The following PLPP6 variants were observed in gnomAD, a reference collection of about 807,000 sequenced individuals.
The protein encoded by PLPP6 is polyisoprenoid diphosphate/phosphate phosphohydrolase PLPP6.
Under a neutral mutation model 16.5 loss-of-function variants are expected in PLPP6, and 16 were observed. The ratio of observed to expected loss-of-function variants is 0.97; its 90% CI spans 0.66 to 1.47. The LOEUF (loss-of-function observed/expected upper bound fraction) is 1.47, where lower values mean the gene tolerates loss of function less well. PLPP6 is among the 40% of genes most tolerant of loss of function. The pLI is 0.00. For missense variants in PLPP6, 512 were observed against 396.6 expected (o/e 1.29, Z -2.47); for synonymous variants, 226 against 188.1 (o/e 1.20, Z -1.65).
At position 4,664,936 on chromosome 9, in the gene PLPP6, G is replaced by C. The variant is rs898126545; in HGVS notation, c.*1673G>C. ...AAGCTCTAAGTGGTTTGGGTTTGTT[G>C]TTTAACCTTAGCGAGATCCTTTAAC... On this transcript the variant is annotated 3_prime_UTR_variant, in exon 1 of 1. Coordinates refer to ENST00000381883, the MANE Select transcript of PLPP6 (RefSeq NM_203453.5). 1 of 167,094 alleles carries C rather than the reference G, an allele frequency of 6.0e-6. No homozygotes were observed. The highest frequency in any genetic ancestry group is 6.5e-5 in the Admixed American group (1 of 15,292). 10.4% of individuals were successfully genotyped at this position (167,094 alleles called of 1,614,324 possible).
rs143802782 is a variant in PLPP6 at position 4,662,641 on chromosome 9, A to C, written c.266A>C (p.Glu89Ala). The C allele has an allele frequency of 3.8e-6, 6 of 1,599,020 alleles. No individual in the cohort carries two copies. Among genetic ancestry groups the C allele is most frequent in the Middle Eastern group, 3.4e-4 (2 of 5,860 alleles). ...TCGCCCGCGCCTCCGCTGCCCGAGG[A>C]GGACCGCATGGACTTGAACCCGTCC... Reference protein sequence around the residue: ...SQSPAPPLPEEDRMDLNPSFL... With the variant: ...SQSPAPPLPEADRMDLNPSFL... The change falls in exon 1 of 1, where the codon GAG (glutamate) becomes GCG (alanine). Residue 89 changes from glutamate (E) to alanine (A), a missense_variant. Coordinates refer to ENST00000381883, the MANE Select transcript of PLPP6 (RefSeq NM_203453.5). The surrounding 1 kb of genome is among the most constrained non-coding windows in gnomAD (Gnocchi z 4.9).
rs762235180 is a variant in PLPP6 at position 4,662,597 on chromosome 9, C to T, written c.222C>T (p.Ala74=). The change falls in exon 1 of 1, where the codon GCC becomes GCT. Residue 74 remains alanine (A), a synonymous_variant. Coordinates refer to ENST00000381883, the MANE Select transcript of PLPP6 (RefSeq NM_203453.5). This position sits in a 1 kb window ranked among gnomAD's most constrained non-coding sequence, Gnocchi z 4.9. The part of the protein sequence containing the change: ...PVHRRGSFPL[A]AAGPSQSPAP... ...ACCGCCGCGGCTCCTTCCCCCTGGC[C>T]GCGGCGGGCCCCTCGCAGTCGCCCG... 2.5e-6 allele frequency: 4 copies of T among 1,591,676 alleles called. No homozygotes were observed. Among genetic ancestry groups the T allele is most frequent in the Non-Finnish European group, 3.4e-6 (4 of 1,176,702 alleles).
chr9:4,662,399 G>A lies in PLPP6; in HGVS notation c.24G>A (p.Met8Ile). Residue 8 changes from methionine to isoleucine, a missense_variant, in exon 1 of 1, where the codon ATG becomes ATA. By Grantham distance (10) the Met-to-Ile change is conservative (BLOSUM62 1). Transcript: ENST00000381883. This position sits in a 1 kb window ranked among gnomAD's most constrained non-coding sequence, Gnocchi z 4.9. MPSPRRS[M>I]EGRPLGVSAS... ...CGATGCCAAGTCCCCGGAGGAGCAT[G>A]GAGGGACGGCCGCTGGGCGTCTCCG... The A allele has an allele frequency of 4.6e-6, 7 of 1,535,192 alleles. No homozygotes were observed. Among genetic ancestry groups the A allele is most frequent in the Non-Finnish European group, 5.2e-6 (6 of 1,148,574 alleles).
At position 4,662,487 on chromosome 9, in the gene PLPP6, T is replaced by G. The variant is rs747945489; in HGVS notation, c.112T>G (p.Phe38Val). The change falls in exon 1 of 1, where the codon TTT becomes GTT. Residue 38 changes from phenylalanine (F) to valine (V), a missense_variant. Phe to Val is a conservative substitution (Grantham distance 50). Coordinates refer to ENST00000381883, the MANE Select transcript of PLPP6 (RefSeq NM_203453.5). The surrounding 1 kb of genome is among the most constrained non-coding windows in gnomAD (Gnocchi z 4.9). Reference protein sequence around the residue: ...AHGGGGGGSRFEFQSLLSSRA... With the variant: ...AHGGGGGGSRVEFQSLLSSRA... The stretch of plus-strand genomic sequence containing the variant: ...TGGCGGCGGTGGCGGCGGCAGCAGG[T>G]TTGAGTTCCAGTCCCTGCTCAGCAG... 6.4e-7 allele frequency: 1 copy of G among 1,556,482 alleles called. No homozygotes were observed. Among genetic ancestry groups the G allele is most frequent in the South Asian group, 1.2e-5 (1 of 85,716 alleles).
rs1563748753 is a variant in PLPP6 at position 4,663,118 on chromosome 9, T to G, written c.743T>G (p.Leu248Arg). The G allele has an allele frequency of 6.2e-7, 1 of 1,614,116 alleles. No individual in the cohort carries two copies. The highest frequency in any genetic ancestry group is 1.7e-5 in the Admixed American group (1 of 60,024). The change falls in exon 1 of 1, where the codon CTA becomes CGA. Residue 248 changes from leucine (L) to arginine (R), a missense_variant. By Grantham distance (102) the Leu-to-Arg change is moderately radical (BLOSUM62 -2). Coordinates refer to ENST00000381883, the MANE Select transcript of PLPP6 (RefSeq NM_203453.5). ...LVVLWAFVLG[L>R]SRVMLGRHNV... ...GTTCTGTGGGCCTTCGTCTTGGGCC[T>G]ATCCAGGGTCATGCTGGGGCGGCAC... is the stretch of plus-strand genomic sequence containing the variant.
Position 4,662,800 on chromosome 9 carries a change from A to C in PLPP6, c.425A>C (p.His142Pro). 6.2e-7 allele frequency: 1 copy of C among 1,605,252 alleles called. No homozygotes were observed. The highest frequency in any genetic ancestry group is 1.3e-5 in the African/African-American group (1 of 75,034). The change falls in exon 1 of 1, where the codon CAC (histidine) becomes CCC (proline). Residue 142 changes from histidine (H) to proline (P), a missense_variant. Coordinates refer to ENST00000381883, the MANE Select transcript of PLPP6 (RefSeq NM_203453.5). This position sits in a 1 kb window ranked among gnomAD's most constrained non-coding sequence, Gnocchi z 4.9. Reference sequence around the variant, plus strand: ...ATGAAGCTGCTGGAGATCTCGGGACACGGCATCCCCTGGCTGCTGGGCACC... The same window carrying C: ...ATGAAGCTGCTGGAGATCTCGGGACCCGGCATCCCCTGGCTGCTGGGCACC... ...PLMKLLEISGHGIPWLLGTLY... is the reference protein window; with the variant it reads ...PLMKLLEISGPGIPWLLGTLY...
chr9:4,662,590 C>G lies in PLPP6; in HGVS notation c.215C>G (p.Pro72Arg), dbSNP rs1333416494. The change falls in exon 1 of 1, where the codon CCC becomes CGC. Residue 72 changes from proline (P) to arginine (R), a missense_variant. Pro to Arg is a moderately radical substitution (Grantham distance 103). Transcript: ENST00000381883. This position sits in a 1 kb window ranked among gnomAD's most constrained non-coding sequence, Gnocchi z 4.9. ...CCAGTTCACCGCCGCGGCTCCTTCC[C>G]CCTGGCCGCGGCGGGCCCCTCGCAG... is the stretch of plus-strand genomic sequence containing the variant. ...ESPVHRRGSFPLAAAGPSQSP... is the reference protein window; with the variant it reads ...ESPVHRRGSFRLAAAGPSQSP... 2.5e-6 allele frequency: 4 copies of G among 1,592,906 alleles called. No homozygotes were observed. The highest frequency in any genetic ancestry group is 3.4e-6 in the Non-Finnish European group (4 of 1,177,024).
In PLPP6 at chr9:4,663,164, T is replaced by C. The variant is rs1190915836; in HGVS notation, c.789T>C (p.Phe263=). The change falls in exon 1 of 1, where the codon TTT becomes TTC. Residue 263 remains phenylalanine (F), a synonymous_variant. Coordinates refer to ENST00000381883, the MANE Select transcript of PLPP6 (RefSeq NM_203453.5). ...LGRHNVTDVA[F]GFFLGYMQYS... is the part of the protein sequence containing the mutation. ...GGCACAATGTCACCGACGTAGCTTT[T>C]GGCTTTTTTCTGGGCTACATGCAGT... 6.2e-7 allele frequency: 1 copy of C among 1,614,146 alleles called. No individual in the cohort carries two copies. Among genetic ancestry groups the C allele is most frequent in the East Asian group, 2.2e-5 (1 of 44,866 alleles).
rs888542526 is a variant in PLPP6 at position 4,663,469 on chromosome 9, A to T, written c.*206A>T. On this transcript the variant is annotated 3_prime_UTR_variant, in exon 1 of 1. Coordinates refer to ENST00000381883, the MANE Select transcript of PLPP6 (RefSeq NM_203453.5). ...ACAGCCATATTAGGGAAAGCAAAAAAACCCAAAAAATCCTCTATTGTATAT... is the reference window on the plus strand; with the variant it reads ...ACAGCCATATTAGGGAAAGCAAAAATACCCAAAAAATCCTCTATTGTATAT... 7.1e-6 allele frequency: 4 copies of T among 560,930 alleles called. No individual in the cohort carries two copies. Among genetic ancestry groups the T allele is most frequent in the Admixed American group, 3.3e-5 (1 of 30,090 alleles). The allele number at this position is 560,930 out of a possible 1,614,324, so 34.7% of individuals were successfully genotyped here. A position where few individuals can be genotyped will look rare whatever the true frequency, so the allele number is the denominator to read the frequency against.
chr9:4,662,847 G>T lies in PLPP6; in HGVS notation c.472G>T (p.Asp158Tyr). The change falls in exon 1 of 1, where the codon GAC (aspartate) becomes TAC (tyrosine). Residue 158 changes from aspartate to tyrosine, a missense_variant. Physicochemically the swap from Asp to Tyr is radical, Grantham distance 160 (BLOSUM62 -3). Transcript: ENST00000381883. This position sits in a 1 kb window ranked among gnomAD's most constrained non-coding sequence, Gnocchi z 4.9. ...LGTLYCLCRS[D>Y]SWAGREVLMN... Reference sequence around the variant, plus strand: ...CACCCTCTACTGCCTGTGCAGGAGCGACAGCTGGGCCGGGCGCGAGGTGCT... The same window carrying T: ...CACCCTCTACTGCCTGTGCAGGAGCTACAGCTGGGCCGGGCGCGAGGTGCT... The T allele has an allele frequency of 6.2e-7, 1 of 1,605,300 alleles. No homozygotes were observed. The highest frequency in any genetic ancestry group is 8.5e-7 in the Non-Finnish European group (1 of 1,179,966).
In PLPP6 at chr9:4,662,534, C is replaced by T. The variant is rs755749721; in HGVS notation, c.159C>T (p.Pro53=). 2.1e-5 allele frequency: 33 copies of T among 1,567,436 alleles called. No homozygotes were observed. The Middle Eastern group carries it at 8.8e-4, about 42-fold the overall frequency. The change falls in exon 1 of 1, where the codon CCC becomes CCT. Residue 53 remains proline, a synonymous_variant. Transcript: ENST00000381883. This position sits in a 1 kb window ranked among gnomAD's most constrained non-coding sequence, Gnocchi z 4.9. ...LLSSRATAVD[P]TCARLRASES... is the part of the protein sequence containing the mutation. ...GCAGCCGCGCCACGGCCGTGGACCC[C>T]ACCTGCGCCCGGCTCCGTGCATCGG...
chr9:4,662,295 G>C lies in PLPP6; in HGVS notation c.-81G>C. On this transcript the variant is annotated 5_prime_UTR_variant, in exon 1 of 1. Coordinates refer to ENST00000381883, the MANE Select transcript of PLPP6 (RefSeq NM_203453.5). This position sits in a 1 kb window ranked among gnomAD's most constrained non-coding sequence, Gnocchi z 4.9. The stretch of plus-strand genomic sequence containing the variant: ...CTCTCCCCGCCCCTCCGGGATGGTA[G>C]TGCGGAAGCGGAAGAGGCTGCAGGG... 7.0e-7 allele frequency: 1 copy of C among 1,435,114 alleles called. No homozygotes were observed. The highest frequency in any genetic ancestry group is 9.1e-7 in the Non-Finnish European group (1 of 1,099,780). The allele number at this position is 1,435,114 out of a possible 1,614,324, so 88.9% of individuals were successfully genotyped here.
rs768964167 is a variant in PLPP6 at position 4,662,429 on chromosome 9, G to GAGC, written c.67_69dup (p.Ser23dup). On this transcript the variant is annotated inframe_insertion, in exon 1 of 1. Transcript: ENST00000381883. The surrounding 1 kb of genome is among the most constrained non-coding windows in gnomAD (Gnocchi z 4.9). ...GACGGCCGCTGGGCGTCTCCGCTTC[G>GAGC]AGCAGCAGCAGCAGCCCCGGCAGCC... The GAGC allele has an allele frequency of 4.5e-6, 7 of 1,541,538 alleles. No homozygotes were observed. The East Asian group carries it at 9.6e-5, about 21-fold the overall frequency.
In PLPP6 at chr9:4,663,110, C is replaced by G. The variant is rs758148955; in HGVS notation, c.735C>G (p.Val245=). The G allele has an allele frequency of 6.2e-7, 1 of 1,614,122 alleles. No individual in the cohort carries two copies. The highest frequency in any genetic ancestry group is 1.3e-5 in the African/African-American group (1 of 75,022). ...LRVLVVLWAF[V]LGLSRVMLGR... is the part of the protein sequence containing the mutation. ...TGCTGGTGGTTCTGTGGGCCTTCGT[C>G]TTGGGCCTATCCAGGGTCATGCTGG... is the stretch of plus-strand genomic sequence containing the variant. Residue 245 remains valine, a synonymous_variant, in exon 1 of 1, where the codon GTC becomes GTG. Coordinates refer to ENST00000381883, the MANE Select transcript of PLPP6 (RefSeq NM_203453.5).
rs1380745302 is a variant in PLPP6, at chr9:4,663,839, CTTTATTATCTCTATAA to C, written c.*591_*606del. 1.8e-5 allele frequency: 3 copies of C among 166,914 alleles called. No individual in the cohort carries two copies. The highest frequency in any genetic ancestry group is 6.5e-5 in the Admixed American group (1 of 15,278). 10.3% of individuals were successfully genotyped at this position (166,914 alleles called of 1,614,324 possible). On this transcript the variant is annotated 3_prime_UTR_variant, in exon 1 of 1. Transcript: ENST00000381883. The stretch of plus-strand genomic sequence containing the variant: ...CTGATTTTCTTGGTAAGCTTTTTTA[CTTTATTATCTCTATAA>C]TTTATTATCTCTATCCATATTTGTG...
chr9:4,662,424 G>A lies in PLPP6; in HGVS notation c.49G>A (p.Ala17Thr), dbSNP rs975025512. Residue 17 changes from alanine (A) to threonine (T), a missense_variant, in exon 1 of 1, where the codon GCT (alanine) becomes ACT (threonine). Coordinates refer to ENST00000381883, the MANE Select transcript of PLPP6 (RefSeq NM_203453.5). The surrounding 1 kb of genome is among the most constrained non-coding windows in gnomAD (Gnocchi z 4.9). ...GGAGGGACGGCCGCTGGGCGTCTCC[G>A]CTTCGAGCAGCAGCAGCAGCCCCGG... is the stretch of plus-strand genomic sequence containing the variant. Reference protein sequence around the residue: ...SMEGRPLGVSASSSSSSPGSP... With the variant: ...SMEGRPLGVSTSSSSSSPGSP... 1 of 1,540,134 alleles carries A rather than the reference G, an allele frequency of 6.5e-7. No individual in the cohort carries two copies. The highest frequency in any genetic ancestry group is 1.9e-5 in the Admixed American group (1 of 51,526).
rs758058742 is a variant in PLPP6, at chr9:4,663,198, G to A, written c.823G>A (p.Val275Met). 2 of 1,614,074 alleles carry A rather than the reference G, an allele frequency of 1.2e-6. No individual in the cohort carries two copies. The highest frequency in any genetic ancestry group is 1.7e-6 in the Non-Finnish European group (2 of 1,180,010). Residue 275 changes from valine to methionine, a missense_variant, in exon 1 of 1, where the codon GTG becomes ATG. By Grantham distance (21) the Val-to-Met change is conservative. Coordinates refer to ENST00000381883, the MANE Select transcript of PLPP6 (RefSeq NM_203453.5). ...FFLGYMQYSI[V>M]DYCWLSPHNA... ...TCTGGGCTACATGCAGTACAGCATC[G>A]TGGACTATTGCTGGCTCTCACCCCA...
Position 4,662,337 on chromosome 9 carries a change from T to G in PLPP6, c.-39T>G. 1 of 1,463,864 alleles carries G rather than the reference T, an allele frequency of 6.8e-7. No individual in the cohort carries two copies. The highest frequency in any genetic ancestry group is 2.5e-5 in the East Asian group (1 of 39,418). The allele number at this position is 1,463,864 out of a possible 1,614,324, so 90.7% of individuals were successfully genotyped here. A position where few individuals can be genotyped will look rare whatever the true frequency, so the allele number is the denominator to read the frequency against. On this transcript the variant is annotated 5_prime_UTR_variant, in exon 1 of 1. Coordinates refer to ENST00000381883, the MANE Select transcript of PLPP6 (RefSeq NM_203453.5). This position sits in a 1 kb window ranked among gnomAD's most constrained non-coding sequence, Gnocchi z 4.9. The stretch of plus-strand genomic sequence containing the variant: ...GCTGCAGGGCCGGGAAGCCTCTGTT[T>G]GGTCCGGCCAGGTCCCGGGATCCGG...
rs548962428 is a variant in PLPP6 at position 4,663,739 on chromosome 9, A to G, written c.*476A>G. 1 of 167,994 alleles carries G rather than the reference A, an allele frequency of 6.0e-6. No homozygotes were observed. Among genetic ancestry groups the G allele is most frequent in the Non-Finnish European group, 1.5e-5 (1 of 68,816 alleles). 10.4% of individuals were successfully genotyped at this position (167,994 alleles called of 1,614,324 possible). A position where few individuals can be genotyped will look rare whatever the true frequency, so the allele number is the denominator to read the frequency against. Reference sequence around the variant, plus strand: ...GAGGTAGATTTTAAACAGTATTTTTAAAGTCCAAGACATAGGTTTTTCTAG... The same window carrying G: ...GAGGTAGATTTTAAACAGTATTTTTGAAGTCCAAGACATAGGTTTTTCTAG... On this transcript the variant is annotated 3_prime_UTR_variant, in exon 1 of 1. Coordinates refer to ENST00000381883, the MANE Select transcript of PLPP6 (RefSeq NM_203453.5).
Sources: gnomAD v4.1 joint callset for allele counts on GRCh38, gnomAD v4.1.1 for gene constraint, Gnocchi (gnomAD v3.1) non-coding constraint, MANE v1.5 for transcripts, NCBI Gene and HGNC (gene_info 2026-07-23, HGNC 2026-07-21) for gene names.